CPED1: variants seen among roughly 807,000 people sequenced by gnomAD.
CPED1 encodes the protein cadherin-like and PC-esterase domain-containing protein 1.
In CPED1, 114 loss-of-function variants were observed where a neutral mutation model predicts 128.2. That is an observed-to-expected ratio of 0.89 (90% CI 0.76 to 1.04). The LOEUF is 1.04. Among genes scored for constraint, CPED1 ranks in the 50% least tolerant of loss-of-function variants. The pLI, the probability that CPED1 is intolerant of heterozygous loss-of-function variation, is 0.00. For synonymous variants in CPED1, 462 were observed against 426.7 expected, an observed-to-expected ratio of 1.08 and a Z score of -1.02; for missense variants, 1,211 against 1,207.1, an observed-to-expected ratio of 1.00 and a Z score of -0.05.
intron 16 of CPED1, among the ~76,000 whole-genome samples, chr7:121,151,086 T>C (rs1796149382): frequency 6.6e-6 from 1 of 152,138 alleles, no homozygotes; most frequent in African/African-American, 2.4e-5. Flanking sequence ...AAAGGATATT[T>C]TTGGCTTTAT....
intron 3 of CPED1, among the ~76,000 whole-genome samples, chr7:121,031,392 A>C (rs1194204637): frequency 2.0e-5 from 3 of 152,114 alleles, no homozygotes; most frequent in Non-Finnish European, 4.4e-5. Context: ...GGTTCAAGCG[A>C]TTCTCCTGCC....
At chr7:121,114,416 G>A (rs767441945) in intron 7 of CPED1, among the ~76,000 whole-genome samples, 8 of 152,150 alleles carry the variant, frequency 5.3e-5, no homozygotes, top group Admixed American at 1.3e-4. Flanking sequence ...TGAGTTCTAT[G>A]CCTACCTTCA....
intron 4 of CPED1, among the ~76,000 whole-genome samples, chr7:121,058,815 A>G (rs1453393675): frequency 3.3e-5 from 5 of 152,226 alleles, no homozygotes; most frequent in Non-Finnish European, 5.9e-5. Context: ...TTATTATGTA[A>G]ACAACATAGA....
At chr7:121,034,252 T>TC (rs1036649764) in intron 3 of CPED1, among the ~76,000 whole-genome samples, 1 of 142,586 alleles carries the variant, frequency 7.0e-6, no homozygotes, top group Admixed American at 7.0e-5. Context: ...TTTTTCTTTT[T>TC]TTTTTTTTTT....
At chr7:121,116,941 ACTCT>A (rs200040453) in intron 7 of CPED1, among the ~76,000 whole-genome samples, 21,768 of 129,262 alleles carry the variant, frequency 0.17, 1,770 homozygotes, top group Middle Eastern at 0.36. Flanking sequence ...CAACATAGAA[ACTCT>A]CTCTCTCTCT....
Position 121,136,068 on chromosome 7 carries a change from T to G in CPED1, c.1677T>G (p.Asn559Lys). ...CAGTTCCACAAATTAAAAATGAAAA[T>G]AAAGAAATACATTGCAGTGATGGTG... ...KAAVPQIKNE[N>K]KEIHCSDDEN... Residue 559 changes from asparagine (N) to lysine (K), a missense_variant, in exon 14 of 23, where the codon AAT (asparagine) becomes AAG (lysine). By Grantham distance (94) the Asn-to-Lys change is moderately conservative. Transcript: ENST00000310396. 3 of 1,542,820 alleles carry G rather than the reference T, an allele frequency of 1.9e-6. No individual in the cohort carries two copies. The highest frequency in any genetic ancestry group is 2.6e-6 in the Non-Finnish European group (3 of 1,153,420).
chr7:121,215,577 G>T lies in CPED1; in HGVS notation c.2056-21137G>T, dbSNP rs569968936. Among the ~76,000 whole-genome samples the T allele has an allele frequency of 2.0e-5, 3 of 152,188 alleles. 1 individual carries two copies. The South Asian group carries it at 6.2e-4, about 32-fold the overall frequency. ...TTAACAAAGATAAACTTTGGTTGTT[G>T]ATGTAGCAAGGGTCTAGAGCACAGT... On this transcript the variant is annotated intron_variant, in intron 16 of 22. Coordinates refer to ENST00000310396, the MANE Select transcript of CPED1 (RefSeq NM_024913.5).
chr7:120,992,385 T>C (rs1158128640), intron 2 of CPED1, among the ~76,000 whole-genome samples: 2 of 152,188 alleles, frequency 1.3e-5, no homozygotes, highest in African/African-American at 4.8e-5. Context: ...AGAATGTATT[T>C]AGATGTATGA....
chr7:121,078,158 C>T (rs1489228175), intron 5 of CPED1, among the ~76,000 whole-genome samples: 1 of 152,090 alleles, frequency 6.6e-6, no homozygotes, highest in Non-Finnish European at 1.5e-5. Context: ...GATTCTCCTG[C>T]CTCAGTCTCC....
At chr7:121,047,679 C>T (rs1585038249) in intron 4 of CPED1, among the ~76,000 whole-genome samples, 70 of 12,072 alleles carry the variant, frequency 5.8e-3, no homozygotes, top group African/African-American at 0.011. Flanking sequence ...TCTTCTTCTT[C>T]TTCTTCTTCT....
intron 7 of CPED1, among the ~76,000 whole-genome samples, chr7:121,116,958 C>CTA (rs1450409053): frequency 1.2e-5 from 1 of 80,762 alleles, no homozygotes; most frequent in African/African-American, 4.1e-5. Context: ...CTCTCTCTCT[C>CTA]TCTCTATATA....
rs1584594323 is a variant in CPED1 at position 121,203,476 on chromosome 7, A to G, written c.2056-33238A>G. ...CCTTTCCTTCTCTGTCAACAGATAG[A>G]CCCGTCAGCATGGCTTCCACTCTGA... On this transcript the variant is annotated intron_variant, in intron 16 of 22. Coordinates refer to ENST00000310396, the MANE Select transcript of CPED1 (RefSeq NM_024913.5). Among the ~76,000 whole-genome samples the G allele has an allele frequency of 1.3e-5, 2 of 152,044 alleles. 1 individual carries two copies. The highest frequency in any genetic ancestry group is 1.3e-4 in the Admixed American group (2 of 15,268).
chr7:121,177,640 A>C (rs79508446), intron 16 of CPED1, among the ~76,000 whole-genome samples: 1 of 152,086 alleles, frequency 6.6e-6, no homozygotes, highest in South Asian at 2.1e-4. Flanking sequence ...ATAACAGTGC[A>C]ACGGCTAGTT....
At chr7:121,065,849 C>T (rs1793817594) in intron 5 of CPED1, among the ~76,000 whole-genome samples, 1 of 151,988 alleles carries the variant, frequency 6.6e-6, no homozygotes, top group Non-Finnish European at 1.5e-5. Flanking sequence ...CTGTGAATAA[C>T]AAGATAGTTT....
intron 3 of CPED1, among the ~76,000 whole-genome samples, chr7:121,043,697 G>T (rs4730988): frequency 0.67 from 101,595 of 151,920 alleles, 35,895 homozygotes; most frequent in Admixed American, 0.81. Context: ...GAGAACATGT[G>T]GGAAGTGGCT....
Position 121,267,227 on chromosome 7 carries a change from C to A in CPED1, c.2646C>A (p.Leu882=). The A allele has an allele frequency of 6.3e-7, 1 of 1,576,868 alleles. No individual in the cohort carries two copies. Residue 882 remains leucine (L), a synonymous_variant, in exon 21 of 23, where the codon CTC becomes CTA. Transcript: ENST00000310396. ...IHKVLKRENL[L]NILVIIKTLG... is the part of the protein sequence containing the mutation. ...TTATCTCATTCAGGGAAAATTTACT[C>A]AATATCCTAGTGATCATCAAAACTT... is the stretch of plus-strand genomic sequence containing the variant.
intron 4 of CPED1, among the ~76,000 whole-genome samples, chr7:121,056,876 G>C (rs1346211367): frequency 6.6e-6 from 1 of 152,082 alleles, no homozygotes; most frequent in East Asian, 1.9e-4. Flanking sequence ...AGAGTATATA[G>C]GCTACTCAAA....
chr7:121,118,010 T>C (rs913689893), intron 7 of CPED1, among the ~76,000 whole-genome samples: 3 of 152,146 alleles, frequency 2.0e-5, no homozygotes, highest in Non-Finnish European at 4.4e-5. Context: ...TCCTTCACAA[T>C]TCAGGTTGCT....
intron 7 of CPED1, among the ~76,000 whole-genome samples, chr7:121,120,812 G>T (rs192222870): frequency 6.6e-6 from 1 of 152,082 alleles, no homozygotes; most frequent in Non-Finnish European, 1.5e-5. Context: ...TGAGGAAAGT[G>T]ATGTTACCCA....
Sources: gnomAD v4.1 joint callset for allele counts (sites outside exome capture counted in the v4.1 genomes callset) on GRCh38, gnomAD v4.1.1 for gene constraint, MANE v1.5 for transcripts, NCBI Gene and HGNC (gene_info 2026-07-23, HGNC 2026-07-21) for gene names.